The following LARP1 variants were observed in gnomAD, a reference collection of about 807,000 sequenced individuals.
The protein encoded by LARP1 is la-related protein 1.
In LARP1, 36 loss-of-function variants were observed where a neutral mutation model predicts 122.7. The ratio of observed to expected loss-of-function variants is 0.29; its 90% confidence interval spans 0.22 to 0.39. The LOEUF (loss-of-function observed/expected upper bound fraction) is 0.39. LARP1 is among the 10% of genes least tolerant of loss of function. LARP1 has a pLI of 1.00. For missense variants in LARP1, 1,040 were observed against 1,403.6 expected, an observed-to-expected ratio of 0.74 and a Z score of 4.14; for synonymous variants, 539 against 528.7, an observed-to-expected ratio of 1.02 and a Z score of -0.27.
At chr5:154,765,270 C>T (rs1000477776) in intron 1 of LARP1, among the ~76,000 whole-genome samples, 4 of 152,198 alleles carry the variant, frequency 2.6e-5, no homozygotes, top group African/African-American at 4.8e-5. Context: ...GTGCTCTTCC[C>T]GCAGATCACT....
chr5:154,784,016 A>C (rs1756678815), intron 1 of LARP1, among the ~76,000 whole-genome samples: 2 of 152,194 alleles, frequency 1.3e-5, no homozygotes, highest in African/African-American at 4.8e-5. Context: ...TGTGAGTCAA[A>C]GCTGGGCTAG....
rs531256434 is a variant in LARP1 at position 154,804,458 on chromosome 5, C to G, written c.2546+151C>G. The stretch of plus-strand genomic sequence containing the variant: ...AAAACCAGTGGTGTGGAAAGCTCAG[C>G]CCAGGACCTGGGAATGACGGGTAGG... On this transcript the variant is annotated intron_variant, in intron 14 of 18. Coordinates refer to ENST00000518297, the MANE Select transcript of LARP1 (RefSeq NM_033551.3). 4.2e-5 allele frequency: 27 copies of G among 648,814 alleles called. No homozygotes were observed. The Admixed American group carries it at 5.7e-4, about 14-fold the overall frequency. 40.2% of individuals were successfully genotyped at this position (648,814 alleles called of 1,614,324 possible).
At chr5:154,813,737 AC>A (rs1759468806) in intron 18 of LARP1, 149 bp from the exon 19 acceptor site, 1 of 693,032 alleles carries the variant, frequency 1.4e-6, no homozygotes. Flanking sequence ...GCATGAAGAA[AC>A]GCTTAATAAC....
upstream of LARP1, among the ~76,000 whole-genome samples, chr5:154,751,153 T>C (rs1375001356): frequency 2.0e-5 from 3 of 152,174 alleles, no homozygotes; most frequent in East Asian, 1.9e-4. Context: ...TAAATACTTA[T>C]GGATATGGCA....
upstream of LARP1, among the ~76,000 whole-genome samples, chr5:154,751,537 G>A (rs1688091666): frequency 6.6e-6 from 1 of 152,138 alleles, no homozygotes; most frequent in Non-Finnish European, 1.5e-5. Flanking sequence ...CATTACTCCT[G>A]ACTATTTGGT....
chr5:154,727,075 A>G (rs1298345506), intron 1 of LARP1, among the ~76,000 whole-genome samples: 1 of 152,224 alleles, frequency 6.6e-6, no homozygotes, highest in Non-Finnish European at 1.5e-5. Flanking sequence ...TATTCAGCAC[A>G]TATAATACAT....
chr5:154,718,968 G>T (rs1755688010), intron 1 of LARP1, among the ~76,000 whole-genome samples: 1 of 152,206 alleles, frequency 6.6e-6, no homozygotes, highest in African/African-American at 2.4e-5. Flanking sequence ...GGCAAGGCAA[G>T]GCAGAAGTAG....
upstream of LARP1, among the ~76,000 whole-genome samples, chr5:154,751,191 G>A (rs1481783937): frequency 6.6e-6 from 1 of 152,178 alleles, no homozygotes. Context: ...AGGCTGTACA[G>A]AGTGGTGCAG....
At chr5:154,722,121 T>C (rs896318582) in intron 1 of LARP1, among the ~76,000 whole-genome samples, 1 of 152,222 alleles carries the variant, frequency 6.6e-6, no homozygotes, top group African/African-American at 2.4e-5. Flanking sequence ...GTCTTTCTTC[T>C]ACTGTAAAGT....
At chr5:154,769,478 C>T (rs751695678) in intron 1 of LARP1, among the ~76,000 whole-genome samples, 15 of 152,070 alleles carry the variant, frequency 9.9e-5, no homozygotes, top group Non-Finnish European at 1.9e-4. Context: ...GACGTGGGGA[C>T]GACTTTAAGG....
At chr5:154,771,116 GAA>G (rs572179099) in intron 1 of LARP1, among the ~76,000 whole-genome samples, 11 of 108,020 alleles carry the variant, frequency 1.0e-4, no homozygotes, top group African/African-American at 3.5e-4. Flanking sequence ...TGTCTCAAAA[GAA>G]AAAAAAAAAA....
At chr5:154,685,697 C>A in intron 1 of LARP1, 1 of 401,002 alleles carries the variant, frequency 2.5e-6, no homozygotes. Context: ...AGGGGTCGGG[C>A]ACAGTGGCTC....
intron 8 of LARP1, among the ~76,000 whole-genome samples, chr5:154,796,188 T>TTA (rs1253711636): frequency 3.2e-4 from 42 of 131,402 alleles, no homozygotes; most frequent in East Asian, 1.0e-3. Context: ...TATATATATT[T>TTA]TATATATATA....
intron 1 of LARP1, among the ~76,000 whole-genome samples, chr5:154,774,201 A>G (rs143427479): frequency 6.6e-6 from 1 of 152,284 alleles, no homozygotes; most frequent in Admixed American, 6.5e-5. Context: ...GACTTGGGTT[A>G]GCCCTCAGAT....
At chr5:154,789,219 CTTTTTTTTTT>C (rs757782683) in intron 1 of LARP1, among the ~76,000 whole-genome samples, 1 of 91,378 alleles carries the variant, frequency 1.1e-5, no homozygotes, top group African/African-American at 4.7e-5. Flanking sequence ...TCAAAACAAA[CTTTTTTTTTT>C]TTTTTTTTTT....
intron 7 of LARP1, among the ~76,000 whole-genome samples, chr5:154,794,702 C>T (rs1173500086): frequency 6.6e-6 from 1 of 152,170 alleles, no homozygotes. Flanking sequence ...CAAACCGGCC[C>T]AGTAATTTGC....
In LARP1 at chr5:154,804,291, C is replaced by T. The variant is rs761996301; in HGVS notation, c.2530C>T (p.Arg844Cys). The T allele has an allele frequency of 1.6e-5, 26 of 1,613,838 alleles. No homozygotes were observed. The highest frequency in any genetic ancestry group is 8.3e-5 in the Admixed American group (5 of 60,018). The change falls in exon 14 of 19, where the codon CGT becomes TGT. Residue 844 changes from arginine (R) to cysteine (C), a missense_variant. This residue lies in a region of LARP1 where 26 missense variants were observed against 27.5 expected (regional missense o/e 0.94). Transcript: ENST00000518297. The part of the protein sequence containing the change: ...WVMDSREHRP[R>C]TASISSSPSE... Reference sequence around the variant, plus strand: ...GATGGATTCCCGTGAGCACAGGCCCCGTACTGCTTCCATCAGGTACCTGGG... The same window carrying T: ...GATGGATTCCCGTGAGCACAGGCCCTGTACTGCTTCCATCAGGTACCTGGG...
chr5:154,725,145 ACTTTGGGAGG>A (rs1365022962), intron 1 of LARP1, among the ~76,000 whole-genome samples: 6 of 152,060 alleles, frequency 3.9e-5, no homozygotes, highest in Admixed American at 3.3e-4. Context: ...TAATCCCAGC[ACTTTGGGAGG>A]CTGAGGTGGG....
intron 1 of LARP1, chr5:154,685,869 A>T: frequency 2.0e-6 from 1 of 511,526 alleles, no homozygotes; most frequent in South Asian, 1.4e-5. Context: ...TTTGTGCAGC[A>T]TGTAAACTGT....
Sources: allele counts gnomAD v4.1 joint callset (sites outside exome capture counted in the v4.1 genomes callset), GRCh38; gene constraint gnomAD v4.1.1; regional missense constraint gnomAD v4.1.1; transcripts MANE v1.5; gene names NCBI Gene and HGNC (gene_info 2026-07-23, HGNC 2026-07-21).